Variants in ZFHX4 observed in about 807,000 individuals in gnomAD.
The protein encoded by ZFHX4 is zinc finger homeobox protein 4.
ZFHX4 carries 56 observed loss-of-function variants against 267.6 expected under a neutral mutation model. The ratio of observed to expected loss-of-function variants is 0.21; its 90% confidence interval spans 0.17 to 0.26. ZFHX4 has a LOEUF of 0.26. Ranked by LOEUF, ZFHX4 falls within the 10% of genes least tolerant of loss-of-function variation. The probability of loss-of-function intolerance (pLI) is 1.00; values close to 1 mark genes in which losing one functional copy is unlikely to be tolerated. For missense variants in ZFHX4, 4,332 were observed against 4,420.0 expected (o/e 0.98, Z 0.56); for synonymous variants, 1,778 against 1,665.6 (o/e 1.07, Z -1.64).
rs201964276 is a variant in ZFHX4, at chr8:76,856,260, C to T, written c.9339C>T (p.Asn3113=). ...CTCCAGTCCTTCTCCCCGGAATGAA[C>T]GGTCCATCCTCCTTGCCGGGATTTC... The part of the protein sequence containing the change: ...GLPPVLLPGM[N]GPSSLPGFPQ... Residue 3113 remains asparagine (N), a synonymous_variant, in exon 10 of 11, where the codon AAC becomes AAT. Transcript: ENST00000651372. 1.9e-6 allele frequency: 3 copies of T among 1,613,894 alleles called. No individual in the cohort carries two copies. Among genetic ancestry groups the T allele is most frequent in the African/African-American group, 2.7e-5 (2 of 75,052 alleles).
At chr8:76,777,945 A>G (rs1325366343) in intron 3 of ZFHX4, among the ~76,000 whole-genome samples, 2 of 148,462 alleles carry the variant, frequency 1.3e-5, no homozygotes, top group Non-Finnish European at 3.0e-5. Flanking sequence ...TTCTTTGCAT[A>G]TATCTGTTGG....
rs575428085 is a variant in ZFHX4, at chr8:76,705,899, G to A, written c.1811G>A (p.Gly604Glu). 118 of 1,613,756 alleles carry A rather than the reference G, an allele frequency of 7.3e-5. 1 individual carries two copies. In the South Asian group the frequency reaches 7.4e-4, roughly 10 times the overall value. The change falls in exon 2 of 11, where the codon GGA (glycine) becomes GAA (glutamate). Residue 604 changes from glycine to glutamate, a missense_variant. Physicochemically the swap from Gly to Glu is moderately conservative, Grantham distance 98. This residue lies in a region of ZFHX4 where 1,195 missense variants were observed against 1,173.6 expected (regional missense o/e 1.02). Transcript: ENST00000651372. ...AGTACTCCTGGCACACCAGGGCCTG[G>A]AGGAGACGGCTCACCGGGCAGTGGC... Reference protein sequence around the residue: ...TPSTPGTPGPGGDGSPGSGIE... With the variant: ...TPSTPGTPGPEGDGSPGSGIE...
chr8:76,795,097 A>C (rs185280057), intron 4 of ZFHX4, among the ~76,000 whole-genome samples: 2 of 152,256 alleles, frequency 1.3e-5, no homozygotes, highest in Admixed American at 1.3e-4. Flanking sequence ...TGCAATCCCC[A>C]CTGTTTCATT....
chr8:76,698,852 G>A (rs1282975771), intron 1 of ZFHX4, among the ~76,000 whole-genome samples: 2 of 152,062 alleles, frequency 1.3e-5, no homozygotes, highest in African/African-American at 2.4e-5. Context: ...GACATGGGTG[G>A]AAAGTTTTTG....
At chr8:76,790,804 G>A (rs1221404587) in intron 4 of ZFHX4, among the ~76,000 whole-genome samples, 2 of 152,032 alleles carry the variant, frequency 1.3e-5, no homozygotes, top group Admixed American at 1.3e-4. Flanking sequence ...TTCCCAAGTT[G>A]GAACAATTCA....
At chr8:76,825,772 G>A (rs545744348) in intron 4 of ZFHX4, among the ~76,000 whole-genome samples, 8 of 152,272 alleles carry the variant, frequency 5.3e-5, no homozygotes, top group African/African-American at 9.6e-5. Flanking sequence ...AGTCAAGAAA[G>A]CATTTTTAAA....
In ZFHX4 at chr8:76,751,246, G is replaced by A. The variant is rs534446758; in HGVS notation, c.3094-26962G>A. 8.5e-5 allele frequency among the ~76,000 whole-genome samples: 13 copies of A among 152,140 alleles called. No individual in the cohort carries two copies. The South Asian group carries it at 2.7e-3, about 32-fold the overall frequency. On this transcript the variant is annotated intron_variant, in intron 3 of 10. Transcript: ENST00000651372. ...GAGAGTGTATCTCAGCCTAACTAAT[G>A]TCTACATTAATATTTACCAAAGAAC... is the stretch of plus-strand genomic sequence containing the variant.
chr8:76,799,951 A>G (rs1398715830), intron 4 of ZFHX4, among the ~76,000 whole-genome samples: 3 of 152,138 alleles, frequency 2.0e-5, no homozygotes, highest in Non-Finnish European at 2.9e-5. Flanking sequence ...GAAAAGAAAG[A>G]TTAGTGTGTT....
intron 3 of ZFHX4, among the ~76,000 whole-genome samples, chr8:76,754,479 ACT>A (rs2131715191): frequency 7.0e-6 from 1 of 143,876 alleles, no homozygotes; most frequent in East Asian, 2.1e-4. Context: ...ACAGAGCAAG[ACT>A]CTGTCTCAAA....
intron 1 of ZFHX4, among the ~76,000 whole-genome samples, chr8:76,702,254 T>C (rs1808124117): frequency 6.6e-6 from 1 of 152,152 alleles, no homozygotes; most frequent in African/African-American, 2.4e-5. Flanking sequence ...GAATGTCAGA[T>C]ACCAAAACGA....
At chr8:76,753,858 G>A (rs889773484) in intron 3 of ZFHX4, among the ~76,000 whole-genome samples, 1 of 151,896 alleles carries the variant, frequency 6.6e-6, no homozygotes, top group South Asian at 2.1e-4. Flanking sequence ...GAACTTCTGG[G>A]CTCAAGTGAT....
At chr8:76,790,657 G>C (rs1227934906) in intron 4 of ZFHX4, among the ~76,000 whole-genome samples, 1 of 152,106 alleles carries the variant, frequency 6.6e-6, no homozygotes, top group Admixed American at 6.6e-5. Flanking sequence ...GGTCTTCTGT[G>C]AAAGGAATAA....
At chr8:76,778,461 T>A (rs747248932) in intron 4 of ZFHX4, 22 bp downstream of exon 4, 8 of 1,592,934 alleles carry the variant, frequency 5.0e-6, no homozygotes, top group Non-Finnish European at 6.9e-6. Context: ...TGAAGAGGGC[T>A]GTCTCTGAGC....
chr8:76,733,883 C>A (rs547260738), intron 3 of ZFHX4, among the ~76,000 whole-genome samples: 10 of 152,102 alleles, frequency 6.6e-5, no homozygotes, highest in Non-Finnish European at 8.8e-5. Flanking sequence ...CCACTTTAAA[C>A]CTTTCAGTAA....
chr8:76,760,988 A>C (rs963597394), intron 3 of ZFHX4, among the ~76,000 whole-genome samples: 3 of 150,982 alleles, frequency 2.0e-5, no homozygotes, highest in Non-Finnish European at 4.4e-5. Context: ...ATTGAGAGCC[A>C]GTTAGTTACT....
At chr8:76,763,830 C>G (rs1809981954) in intron 3 of ZFHX4, among the ~76,000 whole-genome samples, 1 of 152,040 alleles carries the variant, frequency 6.6e-6, no homozygotes, top group Non-Finnish European at 1.5e-5. Flanking sequence ...ACAGCTGATA[C>G]TAGTAATAAT....
intron 4 of ZFHX4, among the ~76,000 whole-genome samples, chr8:76,786,218 A>C (rs1300842570): frequency 6.6e-6 from 1 of 152,052 alleles, no homozygotes; most frequent in Non-Finnish European, 1.5e-5. Context: ...GTTTTGAGAC[A>C]GAACTTTTAA....
chr8:76,729,194 C>T (rs1220894048), intron 3 of ZFHX4, among the ~76,000 whole-genome samples: 1 of 151,956 alleles, frequency 6.6e-6, no homozygotes, highest in Non-Finnish European at 1.5e-5. Flanking sequence ...TCCATATTCC[C>T]CACCCTATAG....
chr8:76,861,883 T>G (rs1435277214), intron 10 of ZFHX4, among the ~76,000 whole-genome samples: 1 of 151,922 alleles, frequency 6.6e-6, no homozygotes, highest in African/African-American at 2.4e-5. Flanking sequence ...GCATTGATAA[T>G]TAAACTTTAT....
Sources: allele counts gnomAD v4.1 joint callset (sites outside exome capture counted in the v4.1 genomes callset), GRCh38; gene constraint gnomAD v4.1.1; regional missense constraint gnomAD v4.1.1; transcripts MANE v1.5; gene names NCBI Gene and HGNC (gene_info 2026-07-23, HGNC 2026-07-21).